The following GALM variants were observed in gnomAD, a reference collection of about 807,000 sequenced individuals.
The protein encoded by GALM is galactose mutarotase, also known as aldose 1-epimerase.
Under a neutral mutation model 37.4 loss-of-function variants are expected in GALM, and 43 were observed. That is an observed-to-expected ratio of 1.15 (90% CI 0.90 to 1.48). GALM has a LOEUF of 1.48. GALM is among the 40% of genes most tolerant of loss of function. The pLI is 0.00. For synonymous variants in GALM, 199 were observed against 170.6 expected, an observed-to-expected ratio of 1.17 and a Z score of -1.30; for missense variants, 456 against 419.1, an observed-to-expected ratio of 1.09 and a Z score of -0.77.
chr2:38,717,698 G>A (rs1175087761), intron 4 of GALM, among the ~76,000 whole-genome samples: 2 of 151,866 alleles, frequency 1.3e-5, no homozygotes, highest in African/African-American at 4.8e-5. Context: ...ACCATCCCTG[G>A]CCTTAGCTCC....
chr2:38,710,800 C>A (rs1289067448), intron 4 of GALM, among the ~76,000 whole-genome samples: 1 of 149,222 alleles, frequency 6.7e-6, no homozygotes, highest in African/African-American at 2.5e-5. Flanking sequence ...ATTGCCCAGG[C>A]TGGAGTGCAA....
At chr2:38,706,637 G>A (rs1666040978) in intron 4 of GALM, among the ~76,000 whole-genome samples, 1 of 151,702 alleles carries the variant, frequency 6.6e-6, no homozygotes, top group Admixed American at 6.6e-5. Context: ...TTGTGATCCA[G>A]CCTGGGTGAC....
chr2:38,705,037 A>G (rs1281111687), intron 4 of GALM, among the ~76,000 whole-genome samples: 1 of 152,224 alleles, frequency 6.6e-6, no homozygotes, highest in Non-Finnish European at 1.5e-5. Flanking sequence ...AGAAAGCTCA[A>G]AATTTAGCAC....
intron 5 of GALM, among the ~76,000 whole-genome samples, chr2:38,730,624 C>A (rs1666588220): frequency 6.6e-6 from 1 of 152,060 alleles, no homozygotes; most frequent in Non-Finnish European, 1.5e-5. Context: ...GAAAGAAGAT[C>A]AAAGACCTTC....
At chr2:38,711,794 CCATCACCAT>C (rs1666171039) in intron 4 of GALM, among the ~76,000 whole-genome samples, 1 of 64,108 alleles carries the variant, frequency 1.6e-5, no homozygotes, top group African/African-American at 5.6e-5. Flanking sequence ...ACCACCATCA[CCATCACCAT>C]CACCATCATC....
intron 3 of GALM, among the ~76,000 whole-genome samples, chr2:38,688,896 C>CTG: frequency 6.6e-6 from 1 of 152,170 alleles, no homozygotes; most frequent in Non-Finnish European, 1.5e-5. Context: ...TCTTGGCTCA[C>CTG]CGCAACCTCC....
intron 4 of GALM, among the ~76,000 whole-genome samples, chr2:38,725,337 C>G (rs919313860): frequency 1.3e-5 from 2 of 149,124 alleles, no homozygotes; most frequent in African/African-American, 2.5e-5. Context: ...GAGTTTGAAA[C>G]CAGCCTGCGC....
chr2:38,722,052 C>CA (rs1265476536), intron 4 of GALM, among the ~76,000 whole-genome samples: 60 of 121,564 alleles, frequency 4.9e-4, no homozygotes, highest in Non-Finnish European at 9.2e-4. Context: ...CCCCCCCCCC[C>CA]ACCTAGAACA....
At chr2:38,718,902 T>C (rs1529624) in intron 4 of GALM, among the ~76,000 whole-genome samples, 151,372 of 151,950 alleles carry the variant, frequency 1, 75,401 homozygotes, top group Middle Eastern at 1. Context: ...TTAAAATTCA[T>C]CCGGGTGAGA....
intron 2 of GALM, among the ~76,000 whole-genome samples, chr2:38,677,473 G>A (rs1363734761): frequency 1.3e-5 from 2 of 152,150 alleles, no homozygotes; most frequent in East Asian, 1.9e-4. Context: ...GGGAGGCAGA[G>A]GGCAGCATGT....
chr2:38,730,610 G>T (rs1480923569), intron 5 of GALM, among the ~76,000 whole-genome samples: 4 of 152,132 alleles, frequency 2.6e-5, no homozygotes, highest in African/African-American at 9.7e-5. Flanking sequence ...ACCAAATAGT[G>T]ACAGAAAGAA....
chr2:38,729,521 A>G (rs1303353561), intron 4 of GALM, 35 bp from the exon 5 acceptor site: 2 of 1,603,790 alleles, frequency 1.2e-6, no homozygotes, highest in Admixed American at 3.4e-5. Context: ...AGACTTGGGC[A>G]TTTATCACCT....
Position 38,675,989 on chromosome 2 carries a change from G to A in GALM, c.268G>A (p.Val90Met), listed in dbSNP as rs768321999. The change falls in exon 2 of 7, where the codon GTG becomes ATG. Residue 90 changes from valine to methionine, a missense_variant. By Grantham distance (21) the Val-to-Met change is conservative. Coordinates refer to ENST00000272252, the MANE Select transcript of GALM (RefSeq NM_138801.3). Reference protein sequence around the residue: ...ANRIAKGTFKVDGKEYHLAIN... With the variant: ...ANRIAKGTFKMDGKEYHLAIN... Reference sequence around the variant, plus strand: ...CCGAATCGCCAAAGGAACCTTCAAGGTGGATGGGAAGGAGTATCACCTGGC... The same window carrying A: ...CCGAATCGCCAAAGGAACCTTCAAGATGGATGGGAAGGAGTATCACCTGGC... The A allele has an allele frequency of 1.9e-6, 3 of 1,613,954 alleles. No individual in the cohort carries two copies. Among genetic ancestry groups the A allele is most frequent in the South Asian group, 2.2e-5 (2 of 91,088 alleles).
chr2:38,726,165 C>T (rs1666481487), intron 4 of GALM, among the ~76,000 whole-genome samples: 1 of 151,924 alleles, frequency 6.6e-6, no homozygotes, highest in Non-Finnish European at 1.5e-5. Context: ...GTAAAGCAAC[C>T]TCTTTCTATT....
chr2:38,689,430 CCT>C (rs1004382888), intron 3 of GALM, among the ~76,000 whole-genome samples: 4 of 152,174 alleles, frequency 2.6e-5, no homozygotes, highest in Non-Finnish European at 4.4e-5. Flanking sequence ...AGTACCCTGA[CCT>C]CTCAGGATGT....
intron 4 of GALM, among the ~76,000 whole-genome samples, chr2:38,726,062 G>C (rs1030752009): frequency 5.9e-5 from 9 of 151,916 alleles, no homozygotes; most frequent in Admixed American, 4.6e-4. Flanking sequence ...TACCCAAGTG[G>C]GTCACACTGC....
At chr2:38,671,525 G>A (rs1665099465) in intron 1 of GALM, 1 of 152,082 alleles carries the variant, frequency 6.6e-6, no homozygotes, top group Admixed American at 6.6e-5. Flanking sequence ...GAACAGCATG[G>A]GGGAACCGCC....
At chr2:38,696,781 C>CTTTTTTTTTTT (rs34163863) in intron 4 of GALM, among the ~76,000 whole-genome samples, 2 of 68,474 alleles carry the variant, frequency 2.9e-5, no homozygotes, top group Non-Finnish European at 5.4e-5. Flanking sequence ...CCCAAGAAAG[C>CTTTTTTTTTTT]TTTTTTTTTT....
At chr2:38,721,230 G>C (rs1212817682) in intron 4 of GALM, among the ~76,000 whole-genome samples, 1 of 152,178 alleles carries the variant, frequency 6.6e-6, no homozygotes, top group African/African-American at 2.4e-5. Context: ...TCAGAGTGCA[G>C]GTAATTATAA....
Sources: allele counts gnomAD v4.1 joint callset (sites outside exome capture counted in the v4.1 genomes callset), GRCh38; gene constraint gnomAD v4.1.1; transcripts MANE v1.5; gene names NCBI Gene and HGNC (gene_info 2026-07-23, HGNC 2026-07-21).